Variants in GRB14 observed in about 807,000 individuals in gnomAD.
The protein encoded by GRB14 is growth factor receptor-bound protein 14.
GRB14 carries 38 observed loss-of-function variants against 69.1 expected under a neutral mutation model. The observed-to-expected ratio is 0.55, with a 90% CI of 0.42 to 0.72. The LOEUF is 0.72. Among genes scored for constraint, GRB14 ranks in the 30% least tolerant of loss-of-function variants. The pLI is 0.00. For missense variants in GRB14, 666 were observed against 666.1 expected, an observed-to-expected ratio of 1.00 and a Z score of 0.00; for synonymous variants, 247 against 241.3, an observed-to-expected ratio of 1.02 and a Z score of -0.22.
At chr2:164,502,214 G>C (rs367977651) in intron 9 of GRB14, 41 bp downstream of exon 9, 44 of 923,164 alleles carry the variant, frequency 4.8e-5, no homozygotes, top group Middle Eastern at 2.1e-4. Context: ...AATATAATGT[G>C]AATGTAAAAT....
chr2:164,561,173 C>T (rs1486782844), intron 2 of GRB14, among the ~76,000 whole-genome samples: 2 of 152,022 alleles, frequency 1.3e-5, no homozygotes, highest in African/African-American at 4.8e-5. Context: ...AGCAACTGTA[C>T]TCATGGGGGT....
At chr2:164,524,034 T>C (rs1687704001) in intron 5 of GRB14, among the ~76,000 whole-genome samples, 1 of 152,120 alleles carries the variant, frequency 6.6e-6, no homozygotes, top group African/African-American at 2.4e-5. Flanking sequence ...AAGCAGCTTT[T>C]AGAAAAATCT....
intron 3 of GRB14, among the ~76,000 whole-genome samples, chr2:164,536,656 A>G (rs1440844157): frequency 6.6e-6 from 1 of 152,210 alleles, no homozygotes; most frequent in African/African-American, 2.4e-5. Context: ...TCGTCACCAC[A>G]ACCTTACATT....
intron 3 of GRB14, among the ~76,000 whole-genome samples, chr2:164,540,477 C>T (rs1163830281): frequency 6.6e-6 from 1 of 152,084 alleles, no homozygotes; most frequent in Non-Finnish European, 1.5e-5. Flanking sequence ...GGTGTGGTGT[C>T]AGGCTCCTGT....
chr2:164,608,759 T>C (rs1255803038), intron 2 of GRB14, among the ~76,000 whole-genome samples: 5 of 152,262 alleles, frequency 3.3e-5, no homozygotes, highest in African/African-American at 1.2e-4. Context: ...AAATTAGAAA[T>C]AGTTCTATTA....
At chr2:164,543,502 T>C (rs1688290189) in intron 3 of GRB14, among the ~76,000 whole-genome samples, 2 of 152,196 alleles carry the variant, frequency 1.3e-5, no homozygotes, top group African/African-American at 2.4e-5. Flanking sequence ...ATTTTATTTA[T>C]TGAAAATTCA....
chr2:164,544,230 A>G (rs1688309288), intron 3 of GRB14, among the ~76,000 whole-genome samples: 1 of 152,182 alleles, frequency 6.6e-6, no homozygotes, highest in Non-Finnish European at 1.5e-5. Flanking sequence ...TGTGGATCAA[A>G]TTAATTCCCA....
At chr2:164,604,090 A>T (rs1689990071) in intron 2 of GRB14, among the ~76,000 whole-genome samples, 1 of 152,220 alleles carries the variant, frequency 6.6e-6, no homozygotes, top group Admixed American at 6.5e-5. Context: ...TTCTGAAAAT[A>T]CCAGCTGTTG....
chr2:164,598,322 T>C (rs1162190024), intron 2 of GRB14, among the ~76,000 whole-genome samples: 3 of 152,214 alleles, frequency 2.0e-5, no homozygotes, highest in Non-Finnish European at 2.9e-5. Flanking sequence ...GAATTTTGAA[T>C]AGCATTGTTT....
intron 2 of GRB14, among the ~76,000 whole-genome samples, chr2:164,603,551 C>A (rs1178822456): frequency 6.6e-6 from 1 of 151,810 alleles, no homozygotes; most frequent in Non-Finnish European, 1.5e-5. Context: ...GTAATCCCAG[C>A]TACTCTGGAG....
rs374806267 is a variant in GRB14, at chr2:164,621,250, C to T, written c.60G>A (p.Ser20=). 3 of 1,277,210 alleles carry T rather than the reference C, an allele frequency of 2.3e-6. No individual in the cohort carries two copies. Among genetic ancestry groups the T allele is most frequent in the Admixed American group, 3.3e-5 (1 of 30,118 alleles). 79.1% of individuals were successfully genotyped at this position (1,277,210 alleles called of 1,614,324 possible). Residue 20 remains serine, a synonymous_variant, in exon 1 of 14, where the codon TCG becomes TCA. Coordinates refer to ENST00000263915, the MANE Select transcript of GRB14 (RefSeq NM_004490.3). The surrounding 1 kb of genome is among the most constrained non-coding windows in gnomAD (Gnocchi z 6.0). Reference sequence around the variant, plus strand: ...CGCCACACACCTGGGCGGCCAGCGGCGAATCCCGGGCAGCCGCCCTGCTCG... The same window carrying T: ...CGCCACACACCTGGGCGGCCAGCGGTGAATCCCGGGCAGCCGCCCTGCTCG... ...SAASRAAARD[S]PLAAQVCGAA...
Position 164,497,415 on chromosome 2 carries a change from C to A in GRB14, c.1180G>T (p.Glu394Ter). Residue 394 changes from glutamate (E) to a stop codon, truncating the protein, a stop_gained, in exon 10 of 14, where the codon GAA (glutamate) becomes TAA (stop). Transcript: ENST00000263915. LOFTEE classifies it high-confidence loss of function. The stretch of plus-strand genomic sequence containing the variant: ...TCTTCAACCGCAACTGAAAGGGCTT[C>A]AGTGGGATTTTCTATAACTCTGCTT... ...QKSRVIENPT[E>*]ALSVAVEEGL... 6.2e-7 allele frequency: 1 copy of A among 1,613,818 alleles called. No individual in the cohort carries two copies. The highest frequency in any genetic ancestry group is 8.5e-7 in the Non-Finnish European group (1 of 1,179,792).
intron 8 of GRB14, among the ~76,000 whole-genome samples, chr2:164,506,014 A>T (rs1687179160): frequency 6.6e-6 from 1 of 152,216 alleles, no homozygotes; most frequent in East Asian, 1.9e-4. Context: ...TGGGTTAACA[A>T]GGTTGAAGAA....
rs1261785195 is a variant in GRB14 at position 164,621,465 on chromosome 2, C to G, written c.-156G>C. Reference sequence around the variant, plus strand: ...GCTCGGGGCCCCGGCGGCTGAGACGCGCGGCCGAGCTATCTGCGAGGCGGC... The same window carrying G: ...GCTCGGGGCCCCGGCGGCTGAGACGGGCGGCCGAGCTATCTGCGAGGCGGC... On this transcript the variant is annotated 5_prime_UTR_variant, in exon 1 of 14. Coordinates refer to ENST00000263915, the MANE Select transcript of GRB14 (RefSeq NM_004490.3). This position sits in a 1 kb window ranked among gnomAD's most constrained non-coding sequence, Gnocchi z 6.0. The G allele has an allele frequency of 4.6e-6, 1 of 219,196 alleles. No individual in the cohort carries two copies. Among genetic ancestry groups the G allele is most frequent in the Non-Finnish European group, 7.8e-6 (1 of 127,546 alleles). The allele number at this position is 219,196 out of a possible 1,614,324, so 13.6% of individuals were successfully genotyped here. A position where few individuals can be genotyped will look rare whatever the true frequency, so the allele number is the denominator to read the frequency against.
intron 2 of GRB14, among the ~76,000 whole-genome samples, chr2:164,597,724 AGAGG>A (rs1243341816): frequency 6.6e-6 from 1 of 151,960 alleles, no homozygotes; most frequent in Non-Finnish European, 1.5e-5. Flanking sequence ...GGAGTGAGAG[AGAGG>A]AAGAAGGAGG....
chr2:164,581,574 C>G (rs1689405355), intron 2 of GRB14, among the ~76,000 whole-genome samples: 2 of 152,164 alleles, frequency 1.3e-5, no homozygotes, highest in Admixed American at 1.3e-4. Context: ...CCCTGCCACC[C>G]AAACCCACCA....
chr2:164,540,531 C>A (rs950513197), intron 3 of GRB14, among the ~76,000 whole-genome samples: 9 of 152,096 alleles, frequency 5.9e-5, no homozygotes, highest in African/African-American at 1.9e-4. Context: ...ATCACTTGAA[C>A]CTGGGGGGTG....
chr2:164,583,927 C>G (rs534109096), intron 2 of GRB14, among the ~76,000 whole-genome samples: 1 of 151,874 alleles, frequency 6.6e-6, no homozygotes, highest in Admixed American at 6.6e-5. Context: ...AATTAGGTGA[C>G]CTCATATGCA....
At position 164,493,112 on chromosome 2, in the gene GRB14, A is replaced by C; in HGVS notation, c.1547T>G (p.Leu516Arg). The C allele has an allele frequency of 6.2e-7, 1 of 1,613,566 alleles. No homozygotes were observed. Among genetic ancestry groups the C allele is most frequent in the Non-Finnish European group, 8.5e-7 (1 of 1,179,586 alleles). The change falls in exon 14 of 14, where the codon CTG becomes CGG. Residue 516 changes from leucine to arginine, a missense_variant. Coordinates refer to ENST00000263915, the MANE Select transcript of GRB14 (RefSeq NM_004490.3). ...GHTRFTDLIQ[L>R]VEFYQLNKGV... ...CTTATTGAGTTGATAGAACTCCACC[A>C]GCTGTATTAGATCTGTAAATCTTGT... is the stretch of plus-strand genomic sequence containing the variant.
Sources: allele counts gnomAD v4.1 joint callset (sites outside exome capture counted in the v4.1 genomes callset), GRCh38; gene constraint gnomAD v4.1.1; non-coding constraint Gnocchi (gnomAD v3.1); transcripts MANE v1.5; gene names NCBI Gene and HGNC (gene_info 2026-07-23, HGNC 2026-07-21).